The following SDCCAG8 variants were observed in gnomAD, a reference collection of about 807,000 sequenced individuals.
SDCCAG8 encodes serologically defined colon cancer antigen 8.
In SDCCAG8, 74 loss-of-function variants were observed where a neutral mutation model predicts 101.8. The observed-to-expected ratio is 0.73, with a 90% confidence interval of 0.60 to 0.88. SDCCAG8 has a LOEUF of 0.88. Among genes scored for constraint, SDCCAG8 ranks in the 40% least tolerant of loss-of-function variants. The pLI, the probability that SDCCAG8 is intolerant of heterozygous loss-of-function variation, is 0.00. For missense variants in SDCCAG8, 787 were observed against 822.6 expected (o/e 0.96, Z 0.53); for synonymous variants, 281 against 292.9 (o/e 0.96, Z 0.41).
chr1:243,337,383 G>A (rs941798455), intron 10 of SDCCAG8, among the ~76,000 whole-genome samples: 24 of 152,288 alleles, frequency 1.6e-4, no homozygotes, highest in Admixed American at 1.4e-3. Flanking sequence ...AGTCATTGAA[G>A]TTGATTTTGT....
intron 12 of SDCCAG8, among the ~76,000 whole-genome samples, chr1:243,358,319 A>G (rs1558349312): frequency 1.3e-5 from 2 of 152,170 alleles, no homozygotes; most frequent in Non-Finnish European, 2.9e-5. Flanking sequence ...GTTAATAATA[A>G]CTATATTATT....
At chr1:243,402,902 C>CTACCACT (rs1385656121) in intron 13 of SDCCAG8, among the ~76,000 whole-genome samples, 1 of 152,158 alleles carries the variant, frequency 6.6e-6, no homozygotes, top group Non-Finnish European at 1.5e-5. Context: ...AGAGAGGAAG[C>CTACCACT]TACCACTTAC....
At chr1:243,294,362 G>A (rs1159278529) in intron 6 of SDCCAG8, among the ~76,000 whole-genome samples, 6 of 151,754 alleles carry the variant, frequency 4.0e-5, no homozygotes, top group African/African-American at 7.3e-5. Context: ...ATTCCATATC[G>A]TGTGATTATT....
chr1:243,337,084 A>G (rs976916240), intron 10 of SDCCAG8, among the ~76,000 whole-genome samples: 11 of 152,118 alleles, frequency 7.2e-5, no homozygotes, highest in African/African-American at 2.7e-4. Context: ...AGGCCCATGT[A>G]GGAAACACCC....
intron 13 of SDCCAG8, among the ~76,000 whole-genome samples, chr1:243,389,510 G>A (rs992776934): frequency 5.3e-5 from 8 of 152,182 alleles, no homozygotes; most frequent in African/African-American, 1.2e-4. Flanking sequence ...ATCTACAGAA[G>A]TATTTGGCAA....
At chr1:243,466,247 T>G (rs1387423488) in intron 16 of SDCCAG8, among the ~76,000 whole-genome samples, 1 of 152,244 alleles carries the variant, frequency 6.6e-6, no homozygotes, top group Non-Finnish European at 1.5e-5. Flanking sequence ...ATATGTGATC[T>G]TCTAACAACC....
chr1:243,420,952 A>G (rs1293023172), intron 15 of SDCCAG8, among the ~76,000 whole-genome samples: 2 of 152,226 alleles, frequency 1.3e-5, no homozygotes, highest in Non-Finnish European at 2.9e-5. Flanking sequence ...GAAGCCCTCC[A>G]GGAGTGTGCC....
At position 243,400,661 on chromosome 1, in the gene SDCCAG8, A is replaced by G. The variant is rs765233206; in HGVS notation, c.1617-15041A>G. 3.9e-4 allele frequency among the ~76,000 whole-genome samples: 60 copies of G among 152,108 alleles called. 1 individual carries two copies. The highest frequency in any genetic ancestry group is 7.8e-4 in the Non-Finnish European group (53 of 68,008). ...AACTTTGCCTTTATGTGATAATTCT[A>G]TTTATTTTAAATTATGTGTTTATTC... On this transcript the variant is annotated intron_variant, in intron 13 of 17. Transcript: ENST00000366541.
intron 13 of SDCCAG8, among the ~76,000 whole-genome samples, chr1:243,379,733 GT>G (rs1388990081): frequency 6.6e-6 from 1 of 152,126 alleles, no homozygotes; most frequent in Non-Finnish European, 1.5e-5. Context: ...AGAGAACTTT[GT>G]TTAAATAAAC....
At chr1:243,380,264 C>T (rs1558385020) in intron 13 of SDCCAG8, among the ~76,000 whole-genome samples, 3 of 152,092 alleles carry the variant, frequency 2.0e-5, no homozygotes, top group African/African-American at 2.4e-5. Context: ...GAGAACATAA[C>T]GTTAGCATAA....
intron 13 of SDCCAG8, among the ~76,000 whole-genome samples, chr1:243,384,916 T>C (rs1315469819): frequency 2.6e-5 from 4 of 152,240 alleles, no homozygotes; most frequent in Non-Finnish European, 5.9e-5. Flanking sequence ...AAACAACTTC[T>C]TCTTTTTCCA....
chr1:243,332,329 C>T (rs963021520), intron 10 of SDCCAG8, among the ~76,000 whole-genome samples: 9 of 152,174 alleles, frequency 5.9e-5, no homozygotes, highest in Admixed American at 5.2e-4. Flanking sequence ...GTCAGTGTCA[C>T]GATGCCATTT....
intron 13 of SDCCAG8, among the ~76,000 whole-genome samples, chr1:243,398,738 C>T (rs1257956986): frequency 6.6e-6 from 1 of 152,152 alleles, no homozygotes; most frequent in South Asian, 2.1e-4. Context: ...CTGCAACAAT[C>T]AGTGTCATCA....
intron 13 of SDCCAG8, among the ~76,000 whole-genome samples, chr1:243,414,857 G>GTA: frequency 6.6e-6 from 1 of 151,868 alleles, no homozygotes; most frequent in Non-Finnish European, 1.5e-5. Context: ...GTGTGTGTGT[G>GTA]TGTGTGTGTG....
At chr1:243,471,032 C>G (rs773325071) in intron 16 of SDCCAG8, among the ~76,000 whole-genome samples, 1 of 152,120 alleles carries the variant, frequency 6.6e-6, no homozygotes, top group Non-Finnish European at 1.5e-5. Context: ...CAAGCATGCT[C>G]TCCCCTCAGT....
chr1:243,268,249 G>T, intron 1 of SDCCAG8: 1 of 371,520 alleles, frequency 2.7e-6, no homozygotes, highest in Non-Finnish European at 5.0e-6. Flanking sequence ...TGTTTTATTC[G>T]TGGATTTAAG....
chr1:243,371,191 C>T (rs1249036850), intron 12 of SDCCAG8, among the ~76,000 whole-genome samples: 1 of 152,086 alleles, frequency 6.6e-6, no homozygotes, highest in Non-Finnish European at 1.5e-5. Flanking sequence ...TTGTGTCTTC[C>T]ACCTATGTCA....
intron 16 of SDCCAG8, among the ~76,000 whole-genome samples, chr1:243,433,303 G>C (rs1333940049): frequency 6.7e-6 from 1 of 148,412 alleles, no homozygotes; most frequent in East Asian, 2.0e-4. Context: ...AGTGAGCCGA[G>C]ATCGCGCCAC....
At chr1:243,415,381 A>G (rs554406861) in intron 13 of SDCCAG8, among the ~76,000 whole-genome samples, 10 of 152,320 alleles carry the variant, frequency 6.6e-5, no homozygotes, top group East Asian at 5.8e-4. Context: ...AGAAGATGAA[A>G]CATTCATTGA....
Sources: gnomAD v4.1 joint callset for allele counts (sites outside exome capture counted in the v4.1 genomes callset) on GRCh38, gnomAD v4.1.1 for gene constraint, MANE v1.5 for transcripts, NCBI Gene and HGNC (gene_info 2026-07-23, HGNC 2026-07-21) for gene names.